The following AGAP1 variants were observed in gnomAD, a reference collection of about 807,000 sequenced individuals.
The protein encoded by AGAP1 is arf-GAP with GTPase, ANK repeat and PH domain-containing protein 1.
A neutral mutation model predicts 105.3 loss-of-function variants in AGAP1; 29 were observed. The ratio of observed to expected loss-of-function variants is 0.28; its 90% confidence interval spans 0.21 to 0.38. AGAP1 has a LOEUF of 0.38. Ranked by LOEUF, AGAP1 falls within the 10% of genes least tolerant of loss-of-function variation. AGAP1 has a pLI of 1.00. For synonymous variants in AGAP1, 509 were observed against 485.9 expected (o/e 1.05, Z -0.63); for missense variants, 998 against 1,165.1 (o/e 0.86, Z 2.09).
intron 1 of AGAP1, among the ~76,000 whole-genome samples, chr2:235,688,454 C>G (rs185282240): frequency 1.3e-5 from 2 of 152,274 alleles, no homozygotes; most frequent in Admixed American, 1.3e-4. Context: ...ACATTTCCAG[C>G]CCCTCTACTT....
chr2:235,710,448 C>T (rs561994752), intron 2 of AGAP1, among the ~76,000 whole-genome samples: 12 of 152,324 alleles, frequency 7.9e-5, no homozygotes, highest in South Asian at 4.1e-4. Flanking sequence ...CCATCCCCAC[C>T]GCAACCGCGG....
In AGAP1 at chr2:235,858,317, C is replaced by T. The variant is rs377729752; in HGVS notation, c.1051-25028C>T. 2.6e-5 allele frequency among the ~76,000 whole-genome samples: 4 copies of T among 152,274 alleles called. No individual in the cohort carries two copies. In the East Asian group the frequency reaches 7.7e-4, roughly 29 times the overall value. ...ATAATGCTATAGAACATGAACATAA[C>T]ATTTTTAGAGAAGTATATTTATCAA... is the stretch of plus-strand genomic sequence containing the variant. On this transcript the variant is annotated intron_variant, in intron 9 of 17. Transcript: ENST00000304032.
At chr2:235,678,787 G>A (rs900503788) in intron 1 of AGAP1, among the ~76,000 whole-genome samples, 5 of 151,882 alleles carry the variant, frequency 3.3e-5, no homozygotes, top group African/African-American at 1.2e-4. Context: ...CACCTGAGAC[G>A]TAGTAAGAGT....
intron 6 of AGAP1, among the ~76,000 whole-genome samples, chr2:235,761,366 C>A (rs1038029591): frequency 6.6e-6 from 1 of 152,166 alleles, no homozygotes; most frequent in African/African-American, 2.4e-5. Flanking sequence ...AACATTAGAT[C>A]ATTAAACACA....
At chr2:235,565,273 G>C (rs892362660) in intron 1 of AGAP1, among the ~76,000 whole-genome samples, 1 of 152,250 alleles carries the variant, frequency 6.6e-6, no homozygotes, top group East Asian at 1.9e-4. Context: ...CGCAGGGCCA[G>C]GTATGAGCCA....
At chr2:235,759,089 C>T (rs1485223466) in intron 6 of AGAP1, among the ~76,000 whole-genome samples, 4 of 151,638 alleles carry the variant, frequency 2.6e-5, no homozygotes, top group Admixed American at 1.3e-4. Context: ...CCATGGCACC[C>T]GGTCATATAA....
At chr2:235,541,424 C>T (rs1458748383) in intron 1 of AGAP1, among the ~76,000 whole-genome samples, 2 of 121,338 alleles carry the variant, frequency 1.6e-5, no homozygotes, top group Non-Finnish European at 3.2e-5. Flanking sequence ...GTCTCACTCT[C>T]TCGCCCAGGC....
chr2:235,809,465 A>G (rs10178156), intron 9 of AGAP1, among the ~76,000 whole-genome samples: 84,315 of 151,906 alleles, frequency 0.56, 23,803 homozygotes, highest in Admixed American at 0.6. Flanking sequence ...TGTCCCAGCA[A>G]AGTGCCCCCG....
Position 235,621,856 on chromosome 2 carries a change from G to C in AGAP1, c.164-87323G>C, listed in dbSNP as rs986968724. On this transcript the variant is annotated intron_variant, in intron 1 of 17. Transcript: ENST00000304032. The surrounding 1 kb of genome is among the most constrained non-coding windows in gnomAD (Gnocchi z 4.1). ...CTGATGTTCTGGCTCTCTGCAGTTG[G>C]GTAGGAGTGGAGGAGGGGTGCGATC... Among the ~76,000 whole-genome samples, 2 of 152,162 alleles carry C rather than the reference G, an allele frequency of 1.3e-5. No individual in the cohort carries two copies. Among genetic ancestry groups the C allele is most frequent in the Non-Finnish European group, 2.9e-5 (2 of 68,026 alleles).
intron 1 of AGAP1, among the ~76,000 whole-genome samples, chr2:235,587,411 A>G (rs565931342): frequency 2.2e-4 from 33 of 152,162 alleles, no homozygotes; most frequent in Admixed American, 2.0e-3. Context: ...GATGCTCACC[A>G]TGTGCTGGGT....
rs1329926239 is a variant in AGAP1, at chr2:235,625,826, A to C, written c.164-83353A>C. ...TAGGATGTTGCCCCACACTATTGGGAGGTGTAGATGTTGCTACTGCATCTG... is the reference window on the plus strand; with the variant it reads ...TAGGATGTTGCCCCACACTATTGGGCGGTGTAGATGTTGCTACTGCATCTG... On this transcript the variant is annotated intron_variant, in intron 1 of 17. Coordinates refer to ENST00000304032, the MANE Select transcript of AGAP1 (RefSeq NM_001037131.3). The surrounding 1 kb of genome is among the most constrained non-coding windows in gnomAD (Gnocchi z 4.0). 1.3e-5 allele frequency among the ~76,000 whole-genome samples: 2 copies of C among 152,226 alleles called. No individual in the cohort carries two copies. Among genetic ancestry groups the C allele is most frequent in the African/African-American group, 2.4e-5 (1 of 41,460 alleles).
At position 235,577,464 on chromosome 2, in the gene AGAP1, C is replaced by T. The variant is rs1944771160; in HGVS notation, c.163+82615C>T. Among the ~76,000 whole-genome samples the T allele has an allele frequency of 6.6e-6, 1 of 152,114 alleles. No homozygotes were observed. Among genetic ancestry groups the T allele is most frequent in the Non-Finnish European group, 1.5e-5 (1 of 68,026 alleles). On this transcript the variant is annotated intron_variant, in intron 1 of 17. Coordinates refer to ENST00000304032, the MANE Select transcript of AGAP1 (RefSeq NM_001037131.3). This position sits in a 1 kb window ranked among gnomAD's most constrained non-coding sequence, Gnocchi z 4.5. ...CCCAAAGCCTTTGCCAGATGAGACA[C>T]TGCCTCTCGCTGAATGCCTGCTTGG...
chr2:235,759,888 G>A (rs906792461), intron 6 of AGAP1, among the ~76,000 whole-genome samples: 6 of 151,976 alleles, frequency 3.9e-5, no homozygotes, highest in African/African-American at 1.5e-4. Flanking sequence ...TTTTTGTATA[G>A]TAAACCATAC....
Position 235,994,473 on chromosome 2 carries a change from C to T in AGAP1, c.1645+25850C>T, listed in dbSNP as rs183402751. Among the ~76,000 whole-genome samples the T allele has an allele frequency of 5.3e-5, 8 of 152,246 alleles. No individual in the cohort carries two copies. The highest frequency in any genetic ancestry group is 1.9e-4 in the African/African-American group (8 of 41,554). On this transcript the variant is annotated intron_variant, in intron 13 of 17. Coordinates refer to ENST00000304032, the MANE Select transcript of AGAP1 (RefSeq NM_001037131.3). This position sits in a 1 kb window ranked among gnomAD's most constrained non-coding sequence, Gnocchi z 4.4. ...TTGGAGTTACTTGTTGATAGGACAGCGTTAAGGGGGTCGTTTCTTTCTGGT... is the reference window on the plus strand; with the variant it reads ...TTGGAGTTACTTGTTGATAGGACAGTGTTAAGGGGGTCGTTTCTTTCTGGT...
rs1957098691 is a variant in AGAP1, at chr2:235,793,503, G to T, written c.674-4256G>T. On this transcript the variant is annotated intron_variant, in intron 6 of 17. Transcript: ENST00000304032. This position sits in a 1 kb window ranked among gnomAD's most constrained non-coding sequence, Gnocchi z 5.3. ...GCAGGGTGTTCGATTGCCACATGGT[G>T]GTGTCATGAGCAGTCCCAGAGCCGT... Among the ~76,000 whole-genome samples the T allele has an allele frequency of 6.6e-6, 1 of 152,202 alleles. No individual in the cohort carries two copies. The highest frequency in any genetic ancestry group is 1.5e-5 in the Non-Finnish European group (1 of 68,042).
chr2:235,933,801 G>A (rs976806344), intron 12 of AGAP1, among the ~76,000 whole-genome samples: 7 of 152,140 alleles, frequency 4.6e-5, no homozygotes, highest in Non-Finnish European at 1.0e-4. Context: ...AAAGTGCTGG[G>A]ATTACAGGCA....
chr2:235,718,601 C>T (rs2149552276), intron 3 of AGAP1, among the ~76,000 whole-genome samples: 1 of 152,266 alleles, frequency 6.6e-6, no homozygotes, highest in South Asian at 2.1e-4. Flanking sequence ...TCACCTGTTC[C>T]CTGTAACACC....
chr2:235,776,373 G>C (rs12468185), intron 6 of AGAP1, among the ~76,000 whole-genome samples: 43,064 of 151,912 alleles, frequency 0.28, 6,301 homozygotes, highest in Admixed American at 0.41. Flanking sequence ...TCAGCCTCCT[G>C]CTTCTGTATC....
At position 235,864,579 on chromosome 2, in the gene AGAP1, A is replaced by G. The variant is rs2049071313; in HGVS notation, c.1051-18766A>G. ...AGGGGCAGCCTGCAGAGGTGTCACC[A>G]GCAGCCATTAAGTGCAGATACTGTC... On this transcript the variant is annotated intron_variant, in intron 9 of 17. Coordinates refer to ENST00000304032, the MANE Select transcript of AGAP1 (RefSeq NM_001037131.3). This position sits in a 1 kb window ranked among gnomAD's most constrained non-coding sequence, Gnocchi z 5.0. Among the ~76,000 whole-genome samples, 1 of 152,216 alleles carries G rather than the reference A, an allele frequency of 6.6e-6. No homozygotes were observed. The highest frequency in any genetic ancestry group is 2.4e-5 in the African/African-American group (1 of 41,460).
Sources: gnomAD v4.1 joint callset for allele counts (sites outside exome capture counted in the v4.1 genomes callset) on GRCh38, gnomAD v4.1.1 for gene constraint, Gnocchi (gnomAD v3.1) non-coding constraint, MANE v1.5 for transcripts, NCBI Gene and HGNC (gene_info 2026-07-23, HGNC 2026-07-21) for gene names.